The following TP53I11 variants were observed in gnomAD, a reference collection of about 807,000 sequenced individuals.
The protein encoded by TP53I11 is tumor protein p53-inducible protein 11.
A neutral mutation model predicts 23.3 loss-of-function variants in TP53I11; 9 were observed. That is an observed-to-expected ratio of 0.39 (90% CI 0.23 to 0.67). The LOEUF (loss-of-function observed/expected upper bound fraction) is 0.67. Among genes scored for constraint, TP53I11 ranks in the 30% least tolerant of loss-of-function variants. TP53I11 has a pLI of 0.48. For synonymous variants in TP53I11, 100 were observed against 106.1 expected (o/e 0.94, Z 0.35); for missense variants, 170 against 255.2 (o/e 0.67, Z 2.27).
intron 4 of TP53I11, 173 bp downstream of exon 4, chr11:44,937,131 G>T: frequency 1.2e-6 from 1 of 859,400 alleles, no homozygotes. Flanking sequence ...TGTGCTCCTG[G>T]AGAAGGCACA....
At chr11:44,935,687 C>CTGGGGGGGGGTTTTAAATGGGGGG in intron 5 of TP53I11, 25 bp from the exon 6 acceptor site, 1 of 569,796 alleles carries the variant, frequency 1.8e-6, no homozygotes, top group Non-Finnish European at 3.3e-6. Flanking sequence ...GAAAAGGGGG[C>CTGGGGGGGGGTTTTAAATGGGGGG]TGGGGGTGGG....
At position 44,937,284 on chromosome 11, in the gene TP53I11, G is replaced by A; in HGVS notation, c.237+20C>T. On this transcript the variant is annotated intron_variant, in intron 4 of 6. Coordinates refer to ENST00000525680, the MANE Select transcript of TP53I11 (RefSeq NM_006034.5). ...GAGCCACACGGGGCCAGATCTCAGG[G>A]GCTGGGGGTGGGGGCTCACCATGAT... The A allele has an allele frequency of 1.3e-6, 2 of 1,523,496 alleles. No homozygotes were observed. The highest frequency in any genetic ancestry group is 1.2e-5 in the South Asian group (1 of 80,306). 94.4% of individuals were successfully genotyped at this position (1,523,496 alleles called of 1,614,324 possible). A position where few individuals can be genotyped will look rare whatever the true frequency, so the allele number is the denominator to read the frequency against.
At chr11:44,938,882 G>A (rs988426614) in intron 1 of TP53I11, among the ~76,000 whole-genome samples, 1 of 152,120 alleles carries the variant, frequency 6.6e-6, no homozygotes, top group African/African-American at 2.4e-5. Flanking sequence ...CTTCAAACCT[G>A]CCAAGACCAA....
intron 1 of TP53I11, among the ~76,000 whole-genome samples, chr11:44,943,861 A>G (rs1321692032): frequency 6.6e-6 from 1 of 152,200 alleles, no homozygotes; most frequent in Non-Finnish European, 1.5e-5. Context: ...CACTTTGTCA[A>G]CACAGGTGGA....
Position 44,934,738 on chromosome 11 carries a change from A to C in TP53I11, c.*146T>G, listed in dbSNP as rs1789759837. The C allele has an allele frequency of 6.1e-6, 7 of 1,143,374 alleles. No individual in the cohort carries two copies. The highest frequency in any genetic ancestry group is 8.5e-6 in the Non-Finnish European group (7 of 825,954). The allele number at this position is 1,143,374 out of a possible 1,614,324, so 70.8% of individuals were successfully genotyped here. ...CACAGCACACGGGGTGCCCAGGAGG[A>C]AAGGAAGGCCCCCCACCCCCTGCCT... is the stretch of plus-strand genomic sequence containing the variant. On this transcript the variant is annotated 3_prime_UTR_variant, in exon 7 of 7. Transcript: ENST00000525680.
chr11:44,947,279 C>T (rs1445993015), intron 1 of TP53I11: 1 of 376,286 alleles, frequency 2.7e-6, no homozygotes, highest in African/African-American at 2.1e-5. Flanking sequence ...TGCCCCTTGG[C>T]CCAGTGACCA....
chr11:44,935,687 C>CGGGGGGGGGG, intron 5 of TP53I11, 25 bp from the exon 6 acceptor site: 1 of 569,796 alleles, frequency 1.8e-6, no homozygotes, highest in Non-Finnish European at 3.3e-6. Context: ...GAAAAGGGGG[C>CGGGGGGGGGG]TGGGGGTGGG....
Position 44,937,537 on chromosome 11 carries a change from A to C in TP53I11, c.188+18T>G. 1 of 1,613,224 alleles carries C rather than the reference A, an allele frequency of 6.2e-7. No homozygotes were observed. The highest frequency in any genetic ancestry group is 1.1e-5 in the South Asian group (1 of 90,924). Reference sequence around the variant, plus strand: ...CCGCAGGCCTTCCCCTCCCCCAAAAAGTCAGGTAAATGCTCACCTGAGCCC... The same window carrying C: ...CCGCAGGCCTTCCCCTCCCCCAAAACGTCAGGTAAATGCTCACCTGAGCCC... On this transcript the variant is annotated intron_variant, in intron 3 of 6. Coordinates refer to ENST00000525680, the MANE Select transcript of TP53I11 (RefSeq NM_006034.5).
chr11:44,936,439 G>C lies in TP53I11; in HGVS notation c.334+364C>G. ...TGGCTCTGGGGATAAAATAGGGGGG[G>C]TGCGAGGGGTTTTGCAGACACTGAA... On this transcript the variant is annotated intron_variant, in intron 5 of 6. Transcript: ENST00000525680. This position sits in a 1 kb window ranked among gnomAD's most constrained non-coding sequence, Gnocchi z 4.4. The C allele has an allele frequency of 8.1e-7, 1 of 1,232,882 alleles. No homozygotes were observed. The highest frequency in any genetic ancestry group is 1.5e-5 in the African/African-American group (1 of 64,520). The allele number at this position is 1,232,882 out of a possible 1,614,324, so 76.4% of individuals were successfully genotyped here.
intron 1 of TP53I11, among the ~76,000 whole-genome samples, chr11:44,946,285 C>G (rs982719379): frequency 6.6e-6 from 1 of 152,194 alleles, no homozygotes; most frequent in Non-Finnish European, 1.5e-5. Context: ...CGAGGCTACC[C>G]GGTGGATGGG....
rs1267167437 is a variant in TP53I11 at position 44,938,274 on chromosome 11, C to T, written c.62G>A (p.Arg21His). ...GCCGAGGATCTTGCGGGTCTTCAGG[C>T]GGCTCACGAGGTCCGTCTGGCTGTG... is the stretch of plus-strand genomic sequence containing the variant. Reference protein sequence around the residue: ...KKHSQTDLVSRLKTRKILGVG... With the variant: ...KKHSQTDLVSHLKTRKILGVG... Residue 21 changes from arginine (R) to histidine (H), a missense_variant, in exon 2 of 7, where the codon CGC becomes CAC. Physicochemically the swap from Arg to His is conservative, Grantham distance 29 (BLOSUM62 0). Transcript: ENST00000525680. The T allele has an allele frequency of 2.5e-6, 4 of 1,612,752 alleles. No individual in the cohort carries two copies. Among genetic ancestry groups the T allele is most frequent in the South Asian group, 1.1e-5 (1 of 90,752 alleles).
At chr11:44,935,845 C>T (rs1861048732) in intron 5 of TP53I11, 183 bp from the exon 6 acceptor site, 1 of 606,400 alleles carries the variant, frequency 1.6e-6, no homozygotes, top group Non-Finnish European at 2.9e-6. Context: ...CTGTCCCCTC[C>T]AGACTCAATG....
rs1002074235 is a variant in TP53I11, at chr11:44,950,658, G to A, written c.-32+19C>T. On this transcript the variant is annotated intron_variant, in intron 1 of 6. Coordinates refer to ENST00000525680, the MANE Select transcript of TP53I11 (RefSeq NM_006034.5). ...GGAAAGTCCGCGGCTCGGAAGCGGCGGCGGGGAGCAGAACTTACGGGCCTC... is the reference window on the plus strand; with the variant it reads ...GGAAAGTCCGCGGCTCGGAAGCGGCAGCGGGGAGCAGAACTTACGGGCCTC... 2 of 152,176 alleles carry A rather than the reference G, an allele frequency of 1.3e-5. No individual in the cohort carries two copies. The highest frequency in any genetic ancestry group is 2.9e-5 in the Non-Finnish European group (2 of 68,176). 9.4% of individuals were successfully genotyped at this position (152,176 alleles called of 1,614,324 possible). A position where few individuals can be genotyped will look rare whatever the true frequency, so the allele number is the denominator to read the frequency against.
chr11:44,939,441 A>G (rs1178155464), intron 1 of TP53I11, among the ~76,000 whole-genome samples: 1 of 152,208 alleles, frequency 6.6e-6, no homozygotes, highest in Admixed American at 6.5e-5. Flanking sequence ...CAAGGCAGAA[A>G]AGCCATCCCC....
chr11:44,935,773 CCT>C lies in TP53I11; in HGVS notation c.335-113_335-112del, dbSNP rs1179372925. ...GCCACTGCTGCAAGACAGCTGGGGT[CCT>C]GGACTCCACGCCTCCGCCCCTATTC... On this transcript the variant is annotated intron_variant, in intron 5 of 6. Transcript: ENST00000525680. 5.2e-5 allele frequency: 39 copies of C among 744,118 alleles called. No individual in the cohort carries two copies. In the Middle Eastern group the frequency reaches 1.1e-3, roughly 21 times the overall value. The allele number at this position is 744,118 out of a possible 1,614,324, so 46.1% of individuals were successfully genotyped here.
intron 1 of TP53I11, among the ~76,000 whole-genome samples, chr11:44,945,539 C>T (rs1862303294): frequency 6.6e-6 from 1 of 151,986 alleles, no homozygotes; most frequent in African/African-American, 2.4e-5. Flanking sequence ...AACCCATCTT[C>T]CCCATGGCAA....
At chr11:44,941,177 G>A (rs1281344929) in intron 1 of TP53I11, 1 of 152,264 alleles carries the variant, frequency 6.6e-6, no homozygotes, top group African/African-American at 2.4e-5. Context: ...CTGTGAGCAA[G>A]GTACATGGGT....
In TP53I11 at chr11:44,934,742, G is replaced by C; in HGVS notation, c.*142C>G. 1 of 1,196,150 alleles carries C rather than the reference G, an allele frequency of 8.4e-7. No homozygotes were observed. Among genetic ancestry groups the C allele is most frequent in the Non-Finnish European group, 1.1e-6 (1 of 872,408 alleles). The allele number at this position is 1,196,150 out of a possible 1,614,324, so 74.1% of individuals were successfully genotyped here. On this transcript the variant is annotated 3_prime_UTR_variant, in exon 7 of 7. Transcript: ENST00000525680. ...GCACACGGGGTGCCCAGGAGGAAAGGAAGGCCCCCCACCCCCTGCCTCCCT... is the reference window on the plus strand; with the variant it reads ...GCACACGGGGTGCCCAGGAGGAAAGCAAGGCCCCCCACCCCCTGCCTCCCT...
chr11:44,949,633 C>A (rs1370683501), intron 1 of TP53I11, among the ~76,000 whole-genome samples: 1 of 152,072 alleles, frequency 6.6e-6, no homozygotes, highest in African/African-American at 2.4e-5. Context: ...GAGCGCCCCG[C>A]CCCGCCCCGC....
Sources: gnomAD v4.1 joint callset for allele counts (sites outside exome capture counted in the v4.1 genomes callset) on GRCh38, gnomAD v4.1.1 for gene constraint, Gnocchi (gnomAD v3.1) non-coding constraint, MANE v1.5 for transcripts, NCBI Gene and HGNC (gene_info 2026-07-23, HGNC 2026-07-21) for gene names.